LTBP1: variants seen among roughly 807,000 people sequenced by gnomAD.
LTBP1 encodes latent-transforming growth factor beta-binding protein 1.
Under a neutral mutation model 207.6 loss-of-function variants are expected in LTBP1, and 129 were observed. The ratio of observed to expected loss-of-function variants is 0.62; its 90% CI spans 0.54 to 0.72. The LOEUF is 0.72. Among genes scored for constraint, LTBP1 ranks in the 30% least tolerant of loss-of-function variants. The pLI is 0.00. For missense variants in LTBP1, 2,281 were observed against 2,217.2 expected, an observed-to-expected ratio of 1.03 and a Z score of -0.58; for synonymous variants, 963 against 833.7, an observed-to-expected ratio of 1.16 and a Z score of -2.67.
chr2:33,026,828 A>G (rs74828276), intron 3 of LTBP1, among the ~76,000 whole-genome samples: 5,896 of 152,300 alleles, frequency 0.039, 194 homozygotes, highest in Non-Finnish European at 0.066. Context: ...ACAAAAGTCA[A>G]AAGTGTACAG....
chr2:33,030,851 A>G (rs1467792974), intron 3 of LTBP1, among the ~76,000 whole-genome samples: 1 of 152,122 alleles, frequency 6.6e-6, no homozygotes, highest in Admixed American at 6.5e-5. Flanking sequence ...TGATCTTATC[A>G]CCTTATGAAG....
intron 9 of LTBP1, among the ~76,000 whole-genome samples, chr2:33,232,445 C>G (rs1315184075): frequency 1.3e-5 from 2 of 152,054 alleles, no homozygotes; most frequent in African/African-American, 4.8e-5. Flanking sequence ...TGGCTTAGAC[C>G]AGAGTCATTA....
chr2:33,399,142 C>T lies in LTBP1; in HGVS notation c.*597C>T, dbSNP rs952459571. 6.6e-6 allele frequency: 1 copy of T among 152,556 alleles called. No individual in the cohort carries two copies. The highest frequency in any genetic ancestry group is 1.5e-5 in the Non-Finnish European group (1 of 68,038). The allele number at this position is 152,556 out of a possible 1,614,324, so 9.5% of individuals were successfully genotyped here. On this transcript the variant is annotated 3_prime_UTR_variant, in exon 34 of 34. Transcript: ENST00000404816. ...TTGTATACACATTTGGAGAAAAGTA[C>T]TTTATATTTTCAGTGTTTTGTCTGA...
chr2:33,196,713 T>C (rs1431203481), intron 7 of LTBP1, among the ~76,000 whole-genome samples: 1 of 152,202 alleles, frequency 6.6e-6, no homozygotes, highest in African/African-American at 2.4e-5. Context: ...TCTTGACCCT[T>C]AGCAGGGAGG....
intron 2 of LTBP1, among the ~76,000 whole-genome samples, chr2:32,994,743 A>G (rs1369281486): frequency 1.3e-5 from 2 of 152,228 alleles, no homozygotes; most frequent in Non-Finnish European, 2.9e-5. Flanking sequence ...CTGGGATTAC[A>G]GGCGTGAGCC....
intron 32 of LTBP1, 116 bp from the exon 33 acceptor site, chr2:33,397,017 A>C: frequency 1.2e-6 from 1 of 819,314 alleles, no homozygotes; most frequent in Non-Finnish European, 1.9e-6. Context: ...GATGTCTGAA[A>C]TATGTATGGA....
intron 5 of LTBP1, among the ~76,000 whole-genome samples, chr2:33,140,808 C>T (rs546695166): frequency 1.3e-5 from 2 of 152,130 alleles, no homozygotes; most frequent in African/African-American, 4.8e-5. Context: ...GCTGGGATTA[C>T]AGGCACCTGC....
chr2:33,024,690 T>A (rs2075330701), intron 3 of LTBP1, among the ~76,000 whole-genome samples: 1 of 152,160 alleles, frequency 6.6e-6, no homozygotes, highest in African/African-American at 2.4e-5. Context: ...AGAAGGTGTC[T>A]GTGAAAAGAT....
At chr2:33,326,640 A>AATTTATTAATTTATTTATTTATTT (rs1553502917) in intron 24 of LTBP1, among the ~76,000 whole-genome samples, 3 of 144,590 alleles carry the variant, frequency 2.1e-5, no homozygotes, top group African/African-American at 5.2e-5. Context: ...TGAGGGATAT[A>AATTTATTAATTTATTTATTTATTT]ATTTATTTAT....
intron 3 of LTBP1, among the ~76,000 whole-genome samples, chr2:33,058,040 A>G (rs1389717658): frequency 6.6e-6 from 1 of 152,252 alleles, no homozygotes; most frequent in Non-Finnish European, 1.5e-5. Flanking sequence ...CATAAAAGTA[A>G]GAAACCTAGG....
At chr2:33,259,635 CTT>C in intron 13 of LTBP1, 25 bp downstream of exon 13, 1 of 1,566,384 alleles carries the variant, frequency 6.4e-7, no homozygotes, top group Non-Finnish European at 8.7e-7. Context: ...GCTTGCAAGT[CTT>C]TTTTTTTCAA....
At position 33,063,936 on chromosome 2, in the gene LTBP1, C is replaced by T. The variant is rs1472006346; in HGVS notation, c.863+42730C>T. Among the ~76,000 whole-genome samples the T allele has an allele frequency of 3.3e-5, 5 of 152,082 alleles. No homozygotes were observed. In the South Asian group the frequency reaches 6.3e-4, roughly 19 times the overall value. On this transcript the variant is annotated intron_variant, in intron 3 of 33. Transcript: ENST00000404816. ...TGGCATGACCTTGGCTCACTGCAAC[C>T]TCTGCCTCCCAGGTTCAAGTGACTC...
In LTBP1 at chr2:33,275,100, G is replaced by C; in HGVS notation, c.2869+10G>C. ...GGTACTAACTGCATAGGTAATGGCA[G>C]CATTCTTCCTGCTTACAAATTCTTA... On this transcript the variant is annotated intron_variant, in intron 17 of 33. Transcript: ENST00000404816. 2 of 1,613,276 alleles carry C rather than the reference G, an allele frequency of 1.2e-6. No homozygotes were observed. The highest frequency in any genetic ancestry group is 1.1e-5 in the South Asian group (1 of 91,032).
chr2:33,169,110 C>A (rs1307083012), intron 5 of LTBP1, among the ~76,000 whole-genome samples: 1 of 152,166 alleles, frequency 6.6e-6, no homozygotes, highest in Non-Finnish European at 1.5e-5. Flanking sequence ...ATTGTCCACC[C>A]AGAATTTATT....
intron 24 of LTBP1, among the ~76,000 whole-genome samples, 191 bp downstream of exon 24, chr2:33,315,460 A>G (rs1363173242): frequency 6.6e-6 from 1 of 152,202 alleles, no homozygotes; most frequent in Non-Finnish European, 1.5e-5. Context: ...AGGATAACCT[A>G]AGGTTATGAT....
At chr2:33,037,655 G>A (rs149427314) in intron 3 of LTBP1, among the ~76,000 whole-genome samples, 2 of 152,148 alleles carry the variant, frequency 1.3e-5, no homozygotes, top group Non-Finnish European at 2.9e-5. Context: ...TGTTCATTTT[G>A]TGATTTCTGA....
rs1480422021 is a variant in LTBP1 at position 33,038,872 on chromosome 2, A to G, written c.863+17666A>G. On this transcript the variant is annotated intron_variant, in intron 3 of 33. Transcript: ENST00000404816. ...CCAGAGCCTCATCTAACCAGTGGCCAGTGAGCCTGGGAGATGTGTAGGATC... is the reference window on the plus strand; with the variant it reads ...CCAGAGCCTCATCTAACCAGTGGCCGGTGAGCCTGGGAGATGTGTAGGATC... Among the ~76,000 whole-genome samples, 5 of 152,342 alleles carry G rather than the reference A, an allele frequency of 3.3e-5. No homozygotes were observed. The South Asian group carries it at 6.2e-4, about 19-fold the overall frequency.
At chr2:33,211,503 C>T (rs757480457) in intron 7 of LTBP1, among the ~76,000 whole-genome samples, 3 of 152,174 alleles carry the variant, frequency 2.0e-5, no homozygotes, top group Non-Finnish European at 4.4e-5. Context: ...ATTACTGGCT[C>T]AGAGAGGTTG....
intron 4 of LTBP1, among the ~76,000 whole-genome samples, chr2:33,114,152 A>G (rs1398683701): frequency 6.6e-6 from 1 of 152,226 alleles, no homozygotes; most frequent in African/African-American, 2.4e-5. Context: ...GGTAAAGGAT[A>G]TCTCTAGTGA....
Sources: allele counts gnomAD v4.1 joint callset (sites outside exome capture counted in the v4.1 genomes callset), GRCh38; gene constraint gnomAD v4.1.1; transcripts MANE v1.5; gene names NCBI Gene and HGNC (gene_info 2026-07-23, HGNC 2026-07-21).